MYO18A: variants seen among roughly 807,000 people sequenced by gnomAD.
The protein encoded by MYO18A is myosin XVIIIA.
Under a neutral mutation model 235.8 loss-of-function variants are expected in MYO18A, and 78 were observed. The observed-to-expected ratio is 0.33, with a 90% CI of 0.28 to 0.40. MYO18A has a LOEUF of 0.40. Ranked by LOEUF, MYO18A falls within the 10% of genes least tolerant of loss-of-function variation. The pLI, the probability that MYO18A is intolerant of heterozygous loss-of-function variation, is 1.00. For synonymous variants in MYO18A, 977 were observed against 1,077.8 expected, an observed-to-expected ratio of 0.91 and a Z score of 1.83; for missense variants, 2,215 against 2,699.3, an observed-to-expected ratio of 0.82 and a Z score of 3.98.
At chr17:29,076,805 C>T (rs1332445234) in intron 41 of MYO18A, 7 of 152,228 alleles carry the variant, frequency 4.6e-5, no homozygotes, top group African/African-American at 1.4e-4. Flanking sequence ...TAGGATCTGC[C>T]GTTAGGCTAA....
At chr17:29,082,564 G>A (rs1288958875) in intron 40 of MYO18A, 126 bp from the exon 41 acceptor site, 11 of 921,752 alleles carry the variant, frequency 1.2e-5, no homozygotes, top group Middle Eastern at 3.4e-4. Flanking sequence ...TCGGTGAGTC[G>A]GGAGGGCGGG....
intron 27 of MYO18A, 98 bp downstream of exon 27, chr17:29,097,125 C>T (rs1473931242): frequency 2.6e-6 from 4 of 1,529,840 alleles, no homozygotes; most frequent in Non-Finnish European, 3.5e-6. Context: ...TCCATTCCAG[C>T]CAGGCCTGCC....
chr17:29,113,455 C>T (rs2066982594), intron 15 of MYO18A, among the ~76,000 whole-genome samples: 1 of 152,210 alleles, frequency 6.6e-6, no homozygotes, highest in Non-Finnish European at 1.5e-5. Flanking sequence ...GGTGACAAAG[C>T]CTGCCCCCAA....
intron 2 of MYO18A, chr17:29,128,258 G>A (rs2067374329): frequency 4.3e-6 from 5 of 1,166,812 alleles, no homozygotes; most frequent in African/African-American, 3.3e-5. Context: ...GCTTCGAGTC[G>A]GGTGCTCGGG....
chr17:29,116,540 G>C, intron 10 of MYO18A, 85 bp from the exon 11 acceptor site: 1 of 1,545,946 alleles, frequency 6.5e-7, no homozygotes. Flanking sequence ...CCGCCTCGGA[G>C]GGACCGTGGG....
At chr17:29,150,778 C>T (rs1161057272) in intron 2 of MYO18A, among the ~76,000 whole-genome samples, 1 of 152,208 alleles carries the variant, frequency 6.6e-6, no homozygotes, top group Non-Finnish European at 1.5e-5. Context: ...TGAGGTCTCT[C>T]TTCTGTGCCT....
At chr17:29,133,875 A>G (rs1005609736) in intron 2 of MYO18A, 4 of 1,289,258 alleles carry the variant, frequency 3.1e-6, no homozygotes, top group Non-Finnish European at 4.0e-6. Flanking sequence ...CAGAGAAGAA[A>G]TGGGGGGCAG....
At chr17:29,164,169 C>T (rs1384731740) in intron 2 of MYO18A, among the ~76,000 whole-genome samples, 5 of 152,190 alleles carry the variant, frequency 3.3e-5, no homozygotes, top group Non-Finnish European at 7.3e-5. Context: ...GGATTACAGG[C>T]GTGAGCCACC....
chr17:29,094,817 T>C lies in MYO18A; in HGVS notation c.4543A>G (p.Lys1515Glu), dbSNP rs763307508. ...AGCTCTGCCTCTAGAGACACAACCT[T>C]CTGGGTGAACCCTGCAATGTCCATG... is the stretch of plus-strand genomic sequence containing the variant. Reference protein sequence around the residue: ...KDMDIAGFTQKVVSLEAELQD... With the variant: ...KDMDIAGFTQEVVSLEAELQD... Residue 1515 changes from lysine (K) to glutamate (E), a missense_variant, in exon 30 of 42, where the codon AAG (lysine) becomes GAG (glutamate). Lys to Glu is a moderately conservative substitution (Grantham distance 56). Transcript: ENST00000527372. 4.3e-6 allele frequency: 7 copies of C among 1,614,020 alleles called. No homozygotes were observed. In the African/African-American group the frequency reaches 9.3e-5, roughly 22 times the overall value.
chr17:29,093,122 AG>A lies in MYO18A; in HGVS notation c.4927-122del, dbSNP rs370191011. 3.7e-6 allele frequency: 5 copies of A among 1,368,178 alleles called. 1 individual carries two copies. In the African/African-American group the frequency reaches 5.8e-5, roughly 16 times the overall value. The allele number at this position is 1,368,178 out of a possible 1,614,324, so 84.8% of individuals were successfully genotyped here. A position where few individuals can be genotyped will look rare whatever the true frequency, so the allele number is the denominator to read the frequency against. ...TCCCCATAAGGATGCTGGAAGAGCC[AG>A]GGTCATGCCAACCAGCGATAAAGGG... On this transcript the variant is annotated intron_variant, in intron 32 of 41. Coordinates refer to ENST00000527372, the MANE Select transcript of MYO18A (RefSeq NM_078471.4).
chr17:29,114,991 C>T lies in MYO18A; in HGVS notation c.2427G>A (p.Glu809=). Residue 809 remains glutamate (E), a synonymous_variant, in exon 14 of 42, where the codon GAG becomes GAA. Coordinates refer to ENST00000527372, the MANE Select transcript of MYO18A (RefSeq NM_078471.4). ...GGSARGASFE[E]LCHNYTQDRL... is the part of the protein sequence containing the mutation. The stretch of plus-strand genomic sequence containing the variant: ...GGTCTTGGGTGTAGTTGTGGCACAG[C>T]TCCTCAAAGGAGGCTCCGCGGGCTG... 1.2e-6 allele frequency: 2 copies of T among 1,614,058 alleles called. No individual in the cohort carries two copies.
chr17:29,158,189 C>G lies in MYO18A; in HGVS notation c.999+7753G>C, dbSNP rs1469696796. 1.3e-5 allele frequency among the ~76,000 whole-genome samples: 2 copies of G among 152,176 alleles called. No individual in the cohort carries two copies. The highest frequency in any genetic ancestry group is 2.9e-5 in the Non-Finnish European group (2 of 68,044). The stretch of plus-strand genomic sequence containing the variant: ...CGCCACAGATAACACCCGGCGAACA[C>G]CCGGCAAACACCGACATCCTGCCCT... On this transcript the variant is annotated intron_variant, in intron 2 of 41. Coordinates refer to ENST00000527372, the MANE Select transcript of MYO18A (RefSeq NM_078471.4). This position sits in a 1 kb window ranked among gnomAD's most constrained non-coding sequence, Gnocchi z 4.3.
intron 35 of MYO18A, 97 bp from the exon 36 acceptor site, chr17:29,090,712 A>G (rs903983665): frequency 3.9e-6 from 6 of 1,523,846 alleles, no homozygotes; most frequent in Admixed American, 3.4e-5. Context: ...TTCCCACTCC[A>G]TCACCTCCCA....
intron 2 of MYO18A, among the ~76,000 whole-genome samples, chr17:29,135,633 G>C (rs146804205): frequency 2.0e-5 from 3 of 152,212 alleles, no homozygotes; most frequent in African/African-American, 7.2e-5. Flanking sequence ...GGCCCAGGCT[G>C]TGAGGACACC....
intron 40 of MYO18A, among the ~76,000 whole-genome samples, chr17:29,085,357 G>GC (rs909505731): frequency 8.5e-5 from 13 of 152,146 alleles, no homozygotes; most frequent in Non-Finnish European, 1.6e-4. Flanking sequence ...TTCGGCAGGA[G>GC]CCCCCCCATC....
rs71135871 is a variant in MYO18A, at chr17:29,130,474, C to CCACACA, written c.1000-8227_1000-8222dup. Among the ~76,000 whole-genome samples the CCACACA allele has an allele frequency of 6.7e-3, 953 of 142,158 alleles. 6 individuals are homozygous for CCACACA. The highest frequency in any genetic ancestry group is 0.016 in the Admixed American group (225 of 14,016). 93.3% of individuals were successfully genotyped at this position (142,158 alleles called of 152,430 possible). On this transcript the variant is annotated intron_variant, in intron 2 of 41. Coordinates refer to ENST00000527372, the MANE Select transcript of MYO18A (RefSeq NM_078471.4). ...ATTCTGGGCAACTCTGAGGCCTCTCCCACACACACACACACACACACACAC... is the reference window on the plus strand; with the variant it reads ...ATTCTGGGCAACTCTGAGGCCTCTCCCACACACACACACACACACACACACACACAC...
chr17:29,143,548 C>T (rs1351396077), intron 2 of MYO18A, among the ~76,000 whole-genome samples: 1 of 151,976 alleles, frequency 6.6e-6, no homozygotes, highest in Non-Finnish European at 1.5e-5. Context: ...GGCCTTAATA[C>T]ATTTTAACTA....
intron 2 of MYO18A, among the ~76,000 whole-genome samples, chr17:29,145,844 C>T (rs531559841): frequency 3.9e-5 from 6 of 152,218 alleles, no homozygotes; most frequent in African/African-American, 1.4e-4. Flanking sequence ...GTTCCAGTTA[C>T]GGTATTAAGT....
intron 40 of MYO18A, 89 bp downstream of exon 40, chr17:29,085,515 C>A: frequency 1.7e-6 from 2 of 1,173,932 alleles, no homozygotes; most frequent in Non-Finnish European, 1.3e-6. Context: ...CCACATGCTG[C>A]GTGCAGCGGC....
Sources: gnomAD v4.1 joint callset for allele counts (sites outside exome capture counted in the v4.1 genomes callset) on GRCh38, gnomAD v4.1.1 for gene constraint, Gnocchi (gnomAD v3.1) non-coding constraint, MANE v1.5 for transcripts, NCBI Gene and HGNC (gene_info 2026-07-23, HGNC 2026-07-21) for gene names.